RBM47: variants seen among roughly 807,000 people sequenced by gnomAD.
RBM47 encodes the protein RNA binding motif protein 47.
RBM47 carries 21 observed loss-of-function variants against 47.1 expected under a neutral mutation model. The ratio of observed to expected loss-of-function variants is 0.45; its 90% CI spans 0.32 to 0.64. The LOEUF (loss-of-function observed/expected upper bound fraction) is 0.64. RBM47 is among the 30% of genes least tolerant of loss of function. The pLI is 0.05. For synonymous variants in RBM47, 375 were observed against 361.7 expected, an observed-to-expected ratio of 1.04 and a Z score of -0.42; for missense variants, 708 against 870.9, an observed-to-expected ratio of 0.81 and a Z score of 2.35.
chr4:40,462,047 G>A (rs1717219158), intron 3 of RBM47, among the ~76,000 whole-genome samples: 1 of 152,092 alleles, frequency 6.6e-6, no homozygotes, highest in Admixed American at 6.6e-5. Flanking sequence ...GTTCATGTGG[G>A]GAGACCTCTG....
At chr4:40,601,488 G>A (rs1735280167) in intron 1 of RBM47, among the ~76,000 whole-genome samples, 1 of 152,114 alleles carries the variant, frequency 6.6e-6, no homozygotes, top group African/African-American at 2.4e-5. Context: ...CTACCTGAAC[G>A]CAACGGAAAA....
chr4:40,587,813 T>C lies in RBM47; in HGVS notation c.-240+41583A>G, dbSNP rs184340292. Among the ~76,000 whole-genome samples, 418 of 152,312 alleles carry C rather than the reference T, an allele frequency of 2.7e-3. 3 individuals are homozygous for C. The highest frequency in any genetic ancestry group is 4.3e-3 in the Non-Finnish European group (294 of 68,028). The stretch of plus-strand genomic sequence containing the variant: ...AGACAAGTAAATAGTAATGCTGACA[T>C]GCTGGTTACTGGTATTTTGACTGTT... On this transcript the variant is annotated intron_variant, in intron 1 of 6. Coordinates refer to ENST00000295971, the MANE Select transcript of RBM47 (RefSeq NM_001098634.2).
chr4:40,550,293 AGACT>A lies in RBM47; in HGVS notation c.-239-5791_-239-5788del, dbSNP rs1162312179. 7.2e-5 allele frequency among the ~76,000 whole-genome samples: 11 copies of A among 152,308 alleles called. No individual in the cohort carries two copies. The East Asian group carries it at 1.9e-3, about 27-fold the overall frequency. On this transcript the variant is annotated intron_variant, in intron 1 of 6. Transcript: ENST00000295971. ...AAGGGGATGTGGGGCCTTCGAGGGG[AGACT>A]GACTGCAGAGGGGCATGAGAAAACT...
At chr4:40,539,955 G>A (rs1216351664) in intron 2 of RBM47, among the ~76,000 whole-genome samples, 1 of 151,982 alleles carries the variant, frequency 6.6e-6, no homozygotes, top group African/African-American at 2.4e-5. Context: ...TTTTCAACTT[G>A]TGAGTTAAAT....
chr4:40,425,917 T>C lies in RBM47; in HGVS notation c.1769A>G (p.Tyr590Cys). 1 of 1,614,180 alleles carries C rather than the reference T, an allele frequency of 6.2e-7. No homozygotes were observed. The highest frequency in any genetic ancestry group is 1.1e-5 in the South Asian group (1 of 91,082). The change falls in exon 7 of 7, where the codon TAC (tyrosine) becomes TGC (cysteine). Residue 590 changes from tyrosine to cysteine, a missense_variant. Tyr to Cys is a radical substitution (Grantham distance 194, BLOSUM62 -2). Coordinates refer to ENST00000295971, the MANE Select transcript of RBM47 (RefSeq NM_001098634.2). ...AAIQVPIPDV[Y>C]QTY The stretch of plus-strand genomic sequence containing the variant: ...TGGTCACCAGCCTCAGTATGTCTGG[T>C]AGACGTCGGGGATGGGGACCTGAAT...
At chr4:40,463,752 G>A (rs188984239) in intron 3 of RBM47, among the ~76,000 whole-genome samples, 25 of 150,222 alleles carry the variant, frequency 1.7e-4, no homozygotes, top group Non-Finnish European at 2.4e-4. Flanking sequence ...AGTTTTTGTC[G>A]TTACATTTAA....
chr4:40,509,336 TA>T (rs1158225280), intron 2 of RBM47, among the ~76,000 whole-genome samples: 2 of 152,168 alleles, frequency 1.3e-5, no homozygotes, highest in Admixed American at 6.5e-5. Flanking sequence ...GCAAACACAC[TA>T]TTACTTTCTT....
At chr4:40,522,419 C>G (rs1329405861) in intron 2 of RBM47, among the ~76,000 whole-genome samples, 3 of 152,122 alleles carry the variant, frequency 2.0e-5, no homozygotes, top group Non-Finnish European at 4.4e-5. Context: ...GCAGGAGAAT[C>G]TCTTGAACCT....
intron 2 of RBM47, among the ~76,000 whole-genome samples, chr4:40,534,804 G>C (rs563736861): frequency 6.6e-6 from 1 of 152,134 alleles, no homozygotes; most frequent in South Asian, 2.1e-4. Context: ...GCATGGTGGC[G>C]GGCGCCTGTA....
intron 2 of RBM47, among the ~76,000 whole-genome samples, chr4:40,532,841 C>T (rs1241222310): frequency 6.6e-6 from 1 of 152,038 alleles, no homozygotes; most frequent in East Asian, 1.9e-4. Flanking sequence ...CATAACACCA[C>T]ACAAGATCCC....
At chr4:40,510,109 C>A (rs555670572) in intron 2 of RBM47, among the ~76,000 whole-genome samples, 1 of 150,662 alleles carries the variant, frequency 6.6e-6, no homozygotes, top group East Asian at 2.0e-4. Context: ...ACTGCTTGAA[C>A]CTAGGAGGCG....
chr4:40,540,011 G>C (rs1424596941), intron 2 of RBM47, among the ~76,000 whole-genome samples: 1 of 152,020 alleles, frequency 6.6e-6, no homozygotes, highest in African/African-American at 2.4e-5. Flanking sequence ...TGAAAATCTA[G>C]GCTATGATTA....
At chr4:40,562,461 A>ATTT (rs67887812) in intron 1 of RBM47, among the ~76,000 whole-genome samples, 14 of 113,748 alleles carry the variant, frequency 1.2e-4, no homozygotes, top group Admixed American at 1.9e-4. Flanking sequence ...ACTTCTCCCT[A>ATTT]TTTTTTTTTT....
At chr4:40,614,790 C>T (rs1736573886) in intron 1 of RBM47, among the ~76,000 whole-genome samples, 1 of 152,016 alleles carries the variant, frequency 6.6e-6, no homozygotes, top group Non-Finnish European at 1.5e-5. Flanking sequence ...TTGATCATAC[C>T]ACTGCACTCC....
intron 2 of RBM47, among the ~76,000 whole-genome samples, chr4:40,521,403 G>C (rs568202480): frequency 6.6e-6 from 1 of 152,076 alleles, no homozygotes; most frequent in African/African-American, 2.4e-5. Flanking sequence ...GTTTCACCAT[G>C]TTGGCCAGGC....
chr4:40,572,366 CAAA>C (rs147366103), intron 1 of RBM47, among the ~76,000 whole-genome samples: 1 of 142,516 alleles, frequency 7.0e-6, no homozygotes, highest in Non-Finnish European at 1.5e-5. Context: ...GACTCCATCT[CAAA>C]AAAAAAAAGG....
At chr4:40,465,882 A>G (rs1294503947) in intron 3 of RBM47, among the ~76,000 whole-genome samples, 1 of 152,184 alleles carries the variant, frequency 6.6e-6, no homozygotes, top group Non-Finnish European at 1.5e-5. Context: ...GGATTGATCA[A>G]AAATACAAGA....
At chr4:40,527,435 A>C (rs1726844508) in intron 2 of RBM47, among the ~76,000 whole-genome samples, 1 of 120,496 alleles carries the variant, frequency 8.3e-6, no homozygotes, top group African/African-American at 3.8e-5. Context: ...CACACCTGGC[A>C]ATTTTTTTTT....
chr4:40,462,661 C>G (rs1203049080), intron 3 of RBM47, among the ~76,000 whole-genome samples: 1 of 152,086 alleles, frequency 6.6e-6, no homozygotes, highest in African/African-American at 2.4e-5. Context: ...GAAGAAAAAT[C>G]ATTCAGAACA....
Sources: allele counts gnomAD v4.1 joint callset (sites outside exome capture counted in the v4.1 genomes callset), GRCh38; gene constraint gnomAD v4.1.1; transcripts MANE v1.5; gene names NCBI Gene and HGNC (gene_info 2026-07-23, HGNC 2026-07-21).